Variants in BBS12 observed in about 807,000 individuals in gnomAD.
BBS12 encodes the protein chaperonin-containing T-complex member BBS12.
BBS12 carries 5 observed loss-of-function variants against 5.6 expected under a neutral mutation model. The ratio of observed to expected loss-of-function variants is 0.89; its 90% CI spans 0.46 to 1.86. The LOEUF (loss-of-function observed/expected upper bound fraction) is 1.86. Among genes scored for constraint, BBS12 ranks in the 40% most tolerant of loss-of-function variants. The pLI is 0.01. For synonymous variants in BBS12, 308 were observed against 306.8 expected, an observed-to-expected ratio of 1.00 and a Z score of -0.04; for missense variants, 748 against 830.4, an observed-to-expected ratio of 0.90 and a Z score of 1.22.
chr4:122,720,904 CAT>C, the BBS12 span, among the ~76,000 whole-genome samples: 11 of 147,198 alleles, frequency 7.5e-5, no homozygotes, highest in Non-Finnish European at 8.9e-5. Context: ...AAAAAAGCCA[CAT>C]GTTATTTTCA....
chr4:122,741,745 G>GT, intron 1 of BBS12, 138 bp from the exon 2 acceptor site: 2 of 678,190 alleles, frequency 2.9e-6, no homozygotes, highest in Non-Finnish European at 5.1e-6. Context: ...TAATAATACT[G>GT]TATCATTGCA....
the BBS12 span, among the ~76,000 whole-genome samples, chr4:122,722,540 C>A: frequency 6.6e-6 from 1 of 152,136 alleles, no homozygotes; most frequent in African/African-American, 2.4e-5. Flanking sequence ...CATAATAGCT[C>A]TCCATTTATT....
chr4:122,704,462 C>A, the BBS12 span, among the ~76,000 whole-genome samples: 1 of 152,214 alleles, frequency 6.6e-6, no homozygotes, highest in African/African-American at 2.4e-5. Flanking sequence ...TCCTTGGACC[C>A]TAGCTGGCGC....
upstream of BBS12, chr4:122,731,987 C>T (rs1195723881): frequency 2.0e-5 from 3 of 152,164 alleles, no homozygotes; most frequent in East Asian, 1.9e-4. Context: ...TTAAAGAAAG[C>T]CTTAAAGATT....
At chr4:122,707,277 A>G in the BBS12 span, among the ~76,000 whole-genome samples, 7 of 109,716 alleles carry the variant, frequency 6.4e-5, no homozygotes, top group African/African-American at 3.2e-4. Flanking sequence ...CTCACATCCT[A>G]AAAGAGATCA....
intron 1 of BBS12, chr4:122,733,859 C>CTTTTTTTTT (rs35729794): frequency 5.1e-5 from 5 of 97,154 alleles, no homozygotes; most frequent in Non-Finnish European, 1.0e-4. Flanking sequence ...TAACTTTAGT[C>CTTTTTTTTT]TTTTTTTTTT....
Position 122,743,367 on chromosome 4 carries a change from T to G in BBS12, c.1475T>G (p.Leu492Ter). 6.2e-7 allele frequency: 1 copy of G among 1,614,172 alleles called. No individual in the cohort carries two copies. Among genetic ancestry groups the G allele is most frequent in the Non-Finnish European group, 8.5e-7 (1 of 1,180,038 alleles). ...AGGAACAACAGAATCGCAATCTTAT[T>G]AAAAACAGAAGGAATTAATTTGGTT... ...VDRNNRIAIL[L>*]KTEGINLVTA... The change falls in exon 2 of 2, where the codon TTA (leucine) becomes TGA (stop). Residue 492 changes from leucine to a stop codon, truncating the protein, a stop_gained. Transcript: ENST00000314218. LOFTEE classifies it low-confidence loss of function (END_TRUNC).
At position 122,742,749 on chromosome 4, in the gene BBS12, T is replaced by C; in HGVS notation, c.857T>C (p.Val286Ala). ...SHGDHSSMKL[V>A]EEAVQLQYQN... ...GGAGATCACAGCAGCATGAAGTTAG[T>C]AGAAGAAGCAGTACAGCTGCAATAT... is the stretch of plus-strand genomic sequence containing the variant. The change falls in exon 2 of 2, where the codon GTA (valine) becomes GCA (alanine). Residue 286 changes from valine (V) to alanine (A), a missense_variant. Coordinates refer to ENST00000314218, the MANE Select transcript of BBS12 (RefSeq NM_152618.3). 5 of 1,614,226 alleles carry C rather than the reference T, an allele frequency of 3.1e-6. No homozygotes were observed. Among genetic ancestry groups the C allele is most frequent in the Non-Finnish European group, 4.2e-6 (5 of 1,180,036 alleles).
At chr4:122,739,329 T>G (rs1285639225) in intron 1 of BBS12, among the ~76,000 whole-genome samples, 1 of 152,254 alleles carries the variant, frequency 6.6e-6, no homozygotes. Flanking sequence ...GGTGGGAATG[T>G]TCAGCTGTTA....
chr4:122,720,700 T>G, the BBS12 span, among the ~76,000 whole-genome samples: 1 of 152,062 alleles, frequency 6.6e-6, no homozygotes, highest in Non-Finnish European at 1.5e-5. Context: ...ATATGATGAT[T>G]CGGAAACAAC....
chr4:122,711,312 C>G, the BBS12 span, among the ~76,000 whole-genome samples: 1 of 151,256 alleles, frequency 6.6e-6, no homozygotes, highest in Non-Finnish European at 1.5e-5. Context: ...GAGAGGGCAT[C>G]TGATGCCGTT....
the BBS12 span, among the ~76,000 whole-genome samples, chr4:122,719,199 CT>C: frequency 6.6e-6 from 1 of 152,126 alleles, no homozygotes; most frequent in Admixed American, 6.5e-5. Context: ...GAGAACTTTT[CT>C]GTCTAGCTAA....
At chr4:122,721,754 G>C in the BBS12 span, among the ~76,000 whole-genome samples, 13 of 152,320 alleles carry the variant, frequency 8.5e-5, no homozygotes, top group South Asian at 2.7e-3. Context: ...CCAGGCTAGA[G>C]AGCCAGGCAG....
At chr4:122,701,541 A>G in the BBS12 span, among the ~76,000 whole-genome samples, 1 of 152,234 alleles carries the variant, frequency 6.6e-6, no homozygotes, top group African/African-American at 2.4e-5. Flanking sequence ...GGAAGTGGAC[A>G]TGGAGGATGA....
chr4:122,737,107 C>T (rs868657716), intron 1 of BBS12, among the ~76,000 whole-genome samples: 9 of 152,210 alleles, frequency 5.9e-5, no homozygotes, highest in East Asian at 3.9e-4. Context: ...TGTTTCCATT[C>T]GCTCTAAGTT....
At chr4:122,731,327 C>T (rs1220401985), upstream of BBS12, 1 of 152,224 alleles carries the variant, frequency 6.6e-6, no homozygotes, top group Non-Finnish European at 1.5e-5. Context: ...TGGCCCCATT[C>T]TCTCTATCCT....
the BBS12 span, among the ~76,000 whole-genome samples, chr4:122,721,754 G>A: frequency 6.6e-6 from 1 of 152,202 alleles, no homozygotes; most frequent in Non-Finnish European, 1.5e-5. Context: ...CCAGGCTAGA[G>A]AGCCAGGCAG....
At chr4:122,700,451 C>T in the BBS12 span, among the ~76,000 whole-genome samples, 71 of 152,204 alleles carry the variant, frequency 4.7e-4, no homozygotes, top group African/African-American at 1.6e-3. Flanking sequence ...AGTCCCTTTC[C>T]TGCGTTGCAA....
At chr4:122,732,051 C>A (rs1800704203), upstream of BBS12, 2 of 152,124 alleles carry the variant, frequency 1.3e-5, no homozygotes, top group African/African-American at 4.8e-5. Context: ...AATTTCAGAA[C>A]CTTCTTTTAC....
Sources: allele counts gnomAD v4.1 joint callset (sites outside exome capture counted in the v4.1 genomes callset), GRCh38; gene constraint gnomAD v4.1.1; transcripts MANE v1.5; gene names NCBI Gene and HGNC (gene_info 2026-07-23, HGNC 2026-07-21).